FAM135B: variants seen among roughly 807,000 people sequenced by gnomAD.
FAM135B encodes the protein protein FAM135B.
In FAM135B, 43 loss-of-function variants were observed where a neutral mutation model predicts 127.7. The ratio of observed to expected loss-of-function variants is 0.34; its 90% confidence interval spans 0.26 to 0.43. The LOEUF (loss-of-function observed/expected upper bound fraction) is 0.43. FAM135B is among the 20% of genes least tolerant of loss of function. The probability of loss-of-function intolerance (pLI) is 1.00; values close to 1 mark genes in which losing one functional copy is unlikely to be tolerated. For synonymous variants in FAM135B, 670 were observed against 665.1 expected (o/e 1.01, Z -0.11); for missense variants, 1,558 against 1,725.6 (o/e 0.90, Z 1.72).
At chr8:138,248,394 C>A (rs1034475146) in intron 6 of FAM135B, among the ~76,000 whole-genome samples, 1 of 152,168 alleles carries the variant, frequency 6.6e-6, no homozygotes, top group African/African-American at 2.4e-5. Context: ...CCAGACATGG[C>A]CTCTCTAGAA....
chr8:138,232,609 A>G (rs1259749258), intron 7 of FAM135B, among the ~76,000 whole-genome samples: 1 of 152,208 alleles, frequency 6.6e-6, no homozygotes, highest in Non-Finnish European at 1.5e-5. Context: ...ATCATTTAAA[A>G]GATAAATTTT....
At chr8:138,487,408 C>T (rs551987945) in intron 1 of FAM135B, among the ~76,000 whole-genome samples, 9 of 152,068 alleles carry the variant, frequency 5.9e-5, no homozygotes, top group East Asian at 3.9e-4. Context: ...CAAAGTGATC[C>T]GGGACTTAAT....
chr8:138,484,095 T>C (rs577325541), intron 1 of FAM135B, among the ~76,000 whole-genome samples: 13 of 152,326 alleles, frequency 8.5e-5, no homozygotes, highest in South Asian at 2.1e-4. Context: ...AGGGAGGACA[T>C]AGATTTCTCT....
intron 2 of FAM135B, among the ~76,000 whole-genome samples, chr8:138,339,224 C>A (rs746799867): frequency 6.6e-6 from 1 of 151,728 alleles, no homozygotes. Flanking sequence ...CTAACCTGCA[C>A]GTTGTGCACG....
intron 2 of FAM135B, among the ~76,000 whole-genome samples, chr8:138,346,588 G>C (rs539550936): frequency 6.6e-6 from 1 of 152,126 alleles, no homozygotes; most frequent in South Asian, 2.1e-4. Context: ...GACATCACAC[G>C]TTCTCACTTA....
intron 4 of FAM135B, among the ~76,000 whole-genome samples, chr8:138,263,474 G>A (rs971899550): frequency 1.3e-5 from 2 of 152,178 alleles, no homozygotes. Flanking sequence ...CATAGCAGGT[G>A]GGACAGCAGA....
At chr8:138,337,881 A>T (rs1287447782) in intron 2 of FAM135B, among the ~76,000 whole-genome samples, 1 of 152,172 alleles carries the variant, frequency 6.6e-6, no homozygotes, top group Non-Finnish European at 1.5e-5. Flanking sequence ...ACAGTAACCA[A>T]AACAGCATGG....
chr8:138,337,207 A>T (rs1828668250), intron 2 of FAM135B, among the ~76,000 whole-genome samples: 1 of 151,592 alleles, frequency 6.6e-6, no homozygotes, highest in Non-Finnish European at 1.5e-5. Flanking sequence ...CAAGACAGGG[A>T]TGCCCTCTCT....
rs759488457 is a variant in FAM135B at position 138,151,659 on chromosome 8, C to T, written c.2816G>A (p.Cys939Tyr). Residue 939 changes from cysteine (C) to tyrosine (Y), a missense_variant, in exon 13 of 20, where the codon TGT becomes TAT. By Grantham distance (194) the Cys-to-Tyr change is radical. Around this residue, in one of 5 missense-constraint regions of FAM135B, gnomAD observed 923 missense variants for 865.3 expected, o/e 1.07. Transcript: ENST00000395297. The part of the protein sequence containing the change: ...LSQHQVPELS[C>Y]TSAADAINRN... ...GTTGATGGCATCAGCAGCTGACGTA[C>T]AGCTCAATTCAGGCACCTGATGTTG... 4.3e-6 allele frequency: 7 copies of T among 1,614,188 alleles called. No homozygotes were observed. Among genetic ancestry groups the T allele is most frequent in the South Asian group, 1.1e-5 (1 of 91,074 alleles).
chr8:138,473,243 C>G (rs957740729), intron 1 of FAM135B, among the ~76,000 whole-genome samples: 4 of 152,054 alleles, frequency 2.6e-5, no homozygotes, highest in Non-Finnish European at 5.9e-5. Context: ...AATGTCTAGC[C>G]TGACCCAACA....
chr8:138,421,127 C>T (rs542140179), intron 1 of FAM135B, among the ~76,000 whole-genome samples: 15 of 152,144 alleles, frequency 9.9e-5, no homozygotes, highest in South Asian at 4.2e-4. Flanking sequence ...CTGGCTAACA[C>T]GGTGAAACCC....
At chr8:138,441,673 C>G (rs1835774942) in intron 1 of FAM135B, 1 of 151,626 alleles carries the variant, frequency 6.6e-6, no homozygotes, top group African/African-American at 2.4e-5. Context: ...ATGTTCTCTT[C>G]TTTTGTGACT....
At chr8:138,348,659 G>C (rs1485568206) in intron 2 of FAM135B, among the ~76,000 whole-genome samples, 1 of 152,158 alleles carries the variant, frequency 6.6e-6, no homozygotes, top group South Asian at 2.1e-4. Context: ...CAATTCATTA[G>C]AAAACAGTTT....
In FAM135B at chr8:138,152,056, C is replaced by G. The variant is rs1164221709; in HGVS notation, c.2419G>C (p.Gly807Arg). The G allele has an allele frequency of 4.3e-6, 7 of 1,613,862 alleles. No individual in the cohort carries two copies. Among genetic ancestry groups the G allele is most frequent in the Middle Eastern group, 1.6e-4 (1 of 6,084 alleles). ...EPSDMHSKSQ[G>R]SPGSCSQLCG... ...AGTTGAGAGCAAGATCCTGGGGAACCTTGGCTCTTGCTGTGCATATCTGAA... is the reference window on the plus strand; with the variant it reads ...AGTTGAGAGCAAGATCCTGGGGAACGTTGGCTCTTGCTGTGCATATCTGAA... The change falls in exon 13 of 20, where the codon GGT becomes CGT. Residue 807 changes from glycine to arginine, a missense_variant. Transcript: ENST00000395297.
At chr8:138,335,512 T>G (rs201627987) in intron 2 of FAM135B, among the ~76,000 whole-genome samples, 24 of 152,130 alleles carry the variant, frequency 1.6e-4, no homozygotes, top group Admixed American at 4.6e-4. Context: ...GACAAAGAAG[T>G]CCATTACATA....
intron 7 of FAM135B, among the ~76,000 whole-genome samples, chr8:138,212,412 C>T (rs1818214942): frequency 6.6e-6 from 1 of 152,014 alleles, no homozygotes; most frequent in Non-Finnish European, 1.5e-5. Flanking sequence ...GACTGAGGCA[C>T]AAAAAGGAAA....
chr8:138,307,447 A>C (rs1826348812), intron 3 of FAM135B, among the ~76,000 whole-genome samples: 1 of 152,132 alleles, frequency 6.6e-6, no homozygotes, highest in South Asian at 2.1e-4. Context: ...CCCTTCACCC[A>C]TGCTATGAGG....
At chr8:138,159,358 T>C (rs1819124060) in intron 12 of FAM135B, among the ~76,000 whole-genome samples, 1 of 149,458 alleles carries the variant, frequency 6.7e-6, no homozygotes, top group African/African-American at 2.5e-5. Flanking sequence ...CCAACCCAAA[T>C]GTCCATCAAT....
intron 17 of FAM135B, among the ~76,000 whole-genome samples, chr8:138,140,709 A>G (rs1817066294): frequency 6.6e-6 from 1 of 152,226 alleles, no homozygotes; most frequent in Admixed American, 6.5e-5. Context: ...CATTGTGTAC[A>G]TGCTTGTACA....
Sources: gnomAD v4.1 joint callset for allele counts (sites outside exome capture counted in the v4.1 genomes callset) on GRCh38, gnomAD v4.1.1 for gene constraint, gnomAD v4.1.1 regional missense constraint, MANE v1.5 for transcripts, NCBI Gene and HGNC (gene_info 2026-07-23, HGNC 2026-07-21) for gene names.